The following ASIC2 variants were observed in gnomAD, a reference collection of about 807,000 sequenced individuals.
ASIC2 encodes the protein acid-sensing ion channel 2.
In ASIC2, 25 loss-of-function variants were observed where a neutral mutation model predicts 57.3. The observed-to-expected ratio is 0.44, with a 90% CI of 0.32 to 0.61. The LOEUF (loss-of-function observed/expected upper bound fraction) is 0.61, where lower values mean the gene tolerates loss of function less well. Among genes scored for constraint, ASIC2 ranks in the 20% least tolerant of loss-of-function variants. ASIC2 has a pLI of 0.06. For synonymous variants in ASIC2, 319 were observed against 307.5 expected (o/e 1.04, Z -0.39); for missense variants, 641 against 738.1 (o/e 0.87, Z 1.52).
At chr17:33,848,236 C>A (rs317392) in intron 1 of ASIC2, among the ~76,000 whole-genome samples, 81,156 of 151,804 alleles carry the variant, frequency 0.53, 22,611 homozygotes, top group East Asian at 0.92. Flanking sequence ...CATGGGCCCC[C>A]GAAGCAGCCA....
At chr17:33,313,160 A>T (rs769558238) in intron 1 of ASIC2, among the ~76,000 whole-genome samples, 12 of 150,492 alleles carry the variant, frequency 8.0e-5, no homozygotes, top group African/African-American at 2.0e-4. Flanking sequence ...TCTCAACAAA[A>T]TTTTTTTTTT....
rs536588329 is a variant in ASIC2, at chr17:33,728,816, G to A, written c.555+427162C>T. ...GAGCCGGGCCAACCAGAGCTGCAGC[G>A]CCTATGCCCAACAGCATCCGTATCT... On this transcript the variant is annotated intron_variant, in intron 1 of 9. Coordinates refer to the ASIC2 transcript ENST00000359872. Among the ~76,000 whole-genome samples the A allele has an allele frequency of 2.0e-3, 309 of 152,238 alleles. 1 individual carries two copies. Among genetic ancestry groups the A allele is most frequent in the African/African-American group, 7.1e-3 (296 of 41,544 alleles).
Position 33,515,971 on chromosome 17 carries a change from C to T in ASIC2, c.556-403904G>A, listed in dbSNP as rs141598939. 1.7e-3 allele frequency among the ~76,000 whole-genome samples: 264 copies of T among 152,140 alleles called. 4 individuals are homozygous for T. Among genetic ancestry groups the T allele is most frequent in the Middle Eastern group, 6.8e-3 (2 of 294 alleles). On this transcript the variant is annotated intron_variant, in intron 1 of 9. Transcript: ENST00000359872. ...AATTAGCTGGGCGTGGTGGTGTGCG[C>T]CTGTAGTCCCAGCTACTTGGGGCGG...
intron 1 of ASIC2, among the ~76,000 whole-genome samples, chr17:33,604,736 A>T (rs1217182311): frequency 6.6e-6 from 1 of 152,078 alleles, no homozygotes; most frequent in East Asian, 1.9e-4. Context: ...AAAGGAGAGG[A>T]TGGAGGGGTC....
chr17:33,647,537 T>C (rs1253559804), intron 1 of ASIC2, among the ~76,000 whole-genome samples: 3 of 152,192 alleles, frequency 2.0e-5, no homozygotes, highest in Non-Finnish European at 4.4e-5. Flanking sequence ...TGGGACCTGA[T>C]AATGAGGGGC....
At chr17:33,505,576 C>T (rs985499812) in intron 1 of ASIC2, among the ~76,000 whole-genome samples, 5 of 152,212 alleles carry the variant, frequency 3.3e-5, no homozygotes, top group Admixed American at 1.3e-4. Context: ...TCCCCATCAT[C>T]GGTAGCATGA....
In ASIC2 at chr17:33,479,156, G is replaced by A. The variant is rs557559417; in HGVS notation, c.556-367089C>T. ...TGGAACTACAGGTGCGCACCACCACGCCCAGCTAATTTTTGTGTTTTTAAT... is the reference window on the plus strand; with the variant it reads ...TGGAACTACAGGTGCGCACCACCACACCCAGCTAATTTTTGTGTTTTTAAT... On this transcript the variant is annotated intron_variant, in intron 1 of 9. Coordinates refer to the ASIC2 transcript ENST00000359872. 9.4e-4 allele frequency among the ~76,000 whole-genome samples: 143 copies of A among 151,980 alleles called. 1 individual carries two copies. The highest frequency in any genetic ancestry group is 3.3e-3 in the African/African-American group (137 of 41,438).
intron 1 of ASIC2, among the ~76,000 whole-genome samples, chr17:33,535,827 C>A (rs1226835436): frequency 6.6e-6 from 1 of 152,096 alleles, no homozygotes; most frequent in Non-Finnish European, 1.5e-5. Context: ...CCTGAATGAC[C>A]ACGTGAAACA....
intron 1 of ASIC2, among the ~76,000 whole-genome samples, chr17:33,879,973 A>G (rs549503652): frequency 2.7e-4 from 41 of 152,336 alleles, no homozygotes; most frequent in African/African-American, 9.6e-4. Context: ...GCTCAACTAC[A>G]TGGAAACTGA....
chr17:33,027,947 T>C (rs1460209107), intron 4 of ASIC2, among the ~76,000 whole-genome samples: 3 of 152,242 alleles, frequency 2.0e-5, no homozygotes, highest in East Asian at 1.9e-4. Context: ...AGCATCCAGT[T>C]ATCTGGAAGC....
intron 1 of ASIC2, among the ~76,000 whole-genome samples, chr17:33,505,805 A>T (rs1421553832): frequency 6.6e-6 from 1 of 152,214 alleles, no homozygotes; most frequent in East Asian, 1.9e-4. Flanking sequence ...GTCCTGACAT[A>T]GCCTCTTAAG....
chr17:33,619,655 G>A (rs1318217183), intron 1 of ASIC2, among the ~76,000 whole-genome samples: 1 of 152,196 alleles, frequency 6.6e-6, no homozygotes, highest in South Asian at 2.1e-4. Context: ...TGAGAAGGGA[G>A]GTGACCATAA....
intron 1 of ASIC2, among the ~76,000 whole-genome samples, chr17:33,417,100 T>G (rs1597721094): frequency 6.6e-6 from 1 of 152,118 alleles, no homozygotes; most frequent in African/African-American, 2.4e-5. Flanking sequence ...CTGAGGCTCG[T>G]GTTCCTCTAG....
At chr17:33,094,238 C>T (rs1038371364) in intron 2 of ASIC2, among the ~76,000 whole-genome samples, 1 of 152,098 alleles carries the variant, frequency 6.6e-6, no homozygotes, top group African/African-American at 2.4e-5. Context: ...GAGAGTCAAG[C>T]TGGGGTGTCC....
intron 1 of ASIC2, among the ~76,000 whole-genome samples, chr17:33,216,284 C>A (rs1907485032): frequency 1.3e-5 from 2 of 152,176 alleles, no homozygotes; most frequent in African/African-American, 4.8e-5. Context: ...ACTCTAACGT[C>A]ATCTAGAGAG....
Position 33,966,054 on chromosome 17 carries a change from T to C in ASIC2, c.555+189924A>G, listed in dbSNP as rs34582950. On this transcript the variant is annotated intron_variant, in intron 1 of 9. Coordinates refer to the ASIC2 transcript ENST00000359872. ...CATAGAGAAGAAGAACCCAAGCCCC[T>C]GTACATGGGCTATTGTTCAAGGCAT... Among the ~76,000 whole-genome samples the C allele has an allele frequency of 7.6e-3, 1,164 of 152,320 alleles. 19 individuals carry two copies. The highest frequency in any genetic ancestry group is 0.027 in the African/African-American group (1,112 of 41,568).
At chr17:34,055,728 TTAG>T (rs1908741927) in intron 1 of ASIC2, among the ~76,000 whole-genome samples, 1 of 152,232 alleles carries the variant, frequency 6.6e-6, no homozygotes, top group Admixed American at 6.5e-5. Context: ...TAAAAACTGA[TTAG>T]TATTCCGTTG....
chr17:33,297,845 A>G (rs541506835), upstream of ASIC2, among the ~76,000 whole-genome samples: 31 of 141,604 alleles, frequency 2.2e-4, no homozygotes, highest in Non-Finnish European at 4.1e-4. Flanking sequence ...TAAATAAATA[A>G]ATAAATAAAT....
At chr17:33,145,714 T>G (rs1904534504) in intron 1 of ASIC2, among the ~76,000 whole-genome samples, 1 of 152,252 alleles carries the variant, frequency 6.6e-6, no homozygotes, top group Admixed American at 6.5e-5. Flanking sequence ...TTGAAGATGT[T>G]GGGAGAATTC....
Sources: gnomAD v4.1 joint callset for allele counts (sites outside exome capture counted in the v4.1 genomes callset) on GRCh38, gnomAD v4.1.1 for gene constraint, MANE v1.5 for transcripts, NCBI Gene and HGNC (gene_info 2026-07-23, HGNC 2026-07-21) for gene names.